AGBL1: variants seen among roughly 807,000 people sequenced by gnomAD.
AGBL1 encodes the protein cytosolic carboxypeptidase 4.
Under a neutral mutation model 118.9 loss-of-function variants are expected in AGBL1, and 130 were observed. The ratio of observed to expected loss-of-function variants is 1.09; its 90% CI spans 0.95 to 1.26. The LOEUF (loss-of-function observed/expected upper bound fraction) is 1.26, where lower values mean the gene tolerates loss of function less well. AGBL1 is among the 50% of genes most tolerant of loss of function. The probability of loss-of-function intolerance (pLI) is 0.00; values close to 1 mark genes in which losing one functional copy is unlikely to be tolerated. For synonymous variants in AGBL1, 555 were observed against 478.9 expected (o/e 1.16, Z -2.08); for missense variants, 1,584 against 1,298.1 (o/e 1.22, Z -3.38).
intron 21 of AGBL1, among the ~76,000 whole-genome samples, chr15:86,590,035 A>G (rs1271054677): frequency 6.6e-6 from 1 of 152,202 alleles, no homozygotes; most frequent in Non-Finnish European, 1.5e-5. Flanking sequence ...CTCATAAGAT[A>G]AAAGGAATCC....
intron 5 of AGBL1, among the ~76,000 whole-genome samples, chr15:86,192,080 C>G (rs1172269303): frequency 6.6e-6 from 1 of 151,544 alleles, no homozygotes; most frequent in Non-Finnish European, 1.5e-5. Context: ...TCCTGGGTGG[C>G]AGATGGAGAT....
At chr15:86,798,528 C>G (rs930802246) in intron 22 of AGBL1, among the ~76,000 whole-genome samples, 3 of 151,730 alleles carry the variant, frequency 2.0e-5, no homozygotes, top group Non-Finnish European at 4.4e-5. Flanking sequence ...GGTTAGTAAC[C>G]TATTGAATGA....
At chr15:86,271,480 A>G in intron 14 of AGBL1, 139 bp from the exon 15 acceptor site, 1 of 685,090 alleles carries the variant, frequency 1.5e-6, no homozygotes, top group Non-Finnish European at 2.6e-6. Context: ...ACTTAATCAT[A>G]TCTGCAAATC....
chr15:86,847,511 CAA>C (rs1235387762), intron 22 of AGBL1, among the ~76,000 whole-genome samples: 1 of 152,154 alleles, frequency 6.6e-6, no homozygotes, highest in Non-Finnish European at 1.5e-5. Context: ...TGTTTCTACT[CAA>C]GTTTTGAAAA....
intron 5 of AGBL1, among the ~76,000 whole-genome samples, chr15:86,170,893 A>T (rs200274513): frequency 0.013 from 1,955 of 152,184 alleles, 26 homozygotes; most frequent in East Asian, 0.071. Context: ...GACAAAAAAA[A>T]AAAAAATCTT....
intron 1 of AGBL1, among the ~76,000 whole-genome samples, chr15:86,103,876 A>G (rs1044822574): frequency 6.6e-6 from 1 of 152,192 alleles, no homozygotes; most frequent in Non-Finnish European, 1.5e-5. Context: ...AATGACAGCA[A>G]TGGGCCAGGT....
chr15:86,243,728 G>A (rs28368949), intron 6 of AGBL1, among the ~76,000 whole-genome samples: 5,659 of 152,164 alleles, frequency 0.037, 343 homozygotes, highest in African/African-American at 0.13. Flanking sequence ...ACTAATGTAG[G>A]CCGGGCATGG....
At chr15:87,012,182 T>C (rs566213255) in intron 24 of AGBL1, among the ~76,000 whole-genome samples, 11 of 132,928 alleles carry the variant, frequency 8.3e-5, no homozygotes, top group African/African-American at 3.0e-4. Context: ...TCTTTGTATA[T>C]ACAAATTTAT....
At chr15:86,945,809 T>G (rs771025624) in intron 23 of AGBL1, among the ~76,000 whole-genome samples, 13 of 152,258 alleles carry the variant, frequency 8.5e-5, no homozygotes, top group Non-Finnish European at 1.5e-4. Context: ...GTCAGCAGTC[T>G]GGGGATACAG....
intron 18 of AGBL1, among the ~76,000 whole-genome samples, chr15:86,472,565 C>T (rs959480405): frequency 1.3e-5 from 2 of 152,154 alleles, no homozygotes; most frequent in Admixed American, 6.5e-5. Context: ...TTTAATCTGA[C>T]TATAAATATT....
intron 23 of AGBL1, among the ~76,000 whole-genome samples, chr15:86,943,460 T>C (rs1219509178): frequency 1.3e-5 from 2 of 152,210 alleles, no homozygotes; most frequent in Non-Finnish European, 2.9e-5. Flanking sequence ...TCTGGTTCTG[T>C]GACAAAATAC....
chr15:86,273,817 G>C (rs1011869360), intron 15 of AGBL1, among the ~76,000 whole-genome samples: 1 of 152,168 alleles, frequency 6.6e-6, no homozygotes, highest in South Asian at 2.1e-4. Context: ...ACTGTGAGCC[G>C]TGGTACCTGA....
intron 22 of AGBL1, among the ~76,000 whole-genome samples, chr15:86,725,988 C>A (rs1596410181): frequency 2.0e-5 from 3 of 151,544 alleles, no homozygotes; most frequent in East Asian, 1.9e-4. Flanking sequence ...ACAGTATGGT[C>A]AAAAAAAAGA....
intron 21 of AGBL1, among the ~76,000 whole-genome samples, chr15:86,559,229 T>C: frequency 6.6e-6 from 1 of 152,184 alleles, no homozygotes; most frequent in African/African-American, 2.4e-5. Flanking sequence ...ATATCTGTAG[T>C]GAACCTATTT....
intron 23 of AGBL1, among the ~76,000 whole-genome samples, chr15:86,940,722 A>G (rs916223966): frequency 1.3e-5 from 2 of 152,222 alleles, no homozygotes; most frequent in Non-Finnish European, 2.9e-5. Flanking sequence ...CAAACAGGCC[A>G]GTTTCAATTG....
chr15:86,208,828 G>A (rs984640463), intron 5 of AGBL1, among the ~76,000 whole-genome samples: 44 of 152,080 alleles, frequency 2.9e-4, no homozygotes, highest in Non-Finnish European at 2.9e-4. Context: ...CTTCGGTTCT[G>A]CTCTGATCTT....
chr15:86,919,273 G>A (rs2080460571), downstream of AGBL1, among the ~76,000 whole-genome samples: 1 of 152,140 alleles, frequency 6.6e-6, no homozygotes, highest in Admixed American at 6.5e-5. Flanking sequence ...AACACACCTT[G>A]GTCCTCTACC....
chr15:86,402,737 G>C (rs922876652), intron 18 of AGBL1, among the ~76,000 whole-genome samples: 1 of 152,144 alleles, frequency 6.6e-6, no homozygotes, highest in South Asian at 2.1e-4. Flanking sequence ...GCTTCTGAGA[G>C]TGCCTGATAG....
chr15:86,702,521 C>A (rs560269896), intron 22 of AGBL1, among the ~76,000 whole-genome samples: 1 of 152,176 alleles, frequency 6.6e-6, no homozygotes, highest in Non-Finnish European at 1.5e-5. Flanking sequence ...TTATACTTGA[C>A]TCCTCCTTTC....
Sources: gnomAD v4.1 joint callset for allele counts (sites outside exome capture counted in the v4.1 genomes callset) on GRCh38, gnomAD v4.1.1 for gene constraint, MANE v1.5 for transcripts, NCBI Gene and HGNC (gene_info 2026-07-23, HGNC 2026-07-21) for gene names.